The following AKNA variants were observed in gnomAD, a reference collection of about 807,000 sequenced individuals.
The protein encoded by AKNA is AT-hook transcription factor.
In AKNA, 67 loss-of-function variants were observed where a neutral mutation model predicts 138.8. The ratio of observed to expected loss-of-function variants is 0.48; its 90% CI spans 0.40 to 0.59. The LOEUF is 0.59. AKNA is among the 20% of genes least tolerant of loss of function. The pLI is 0.00. For missense variants in AKNA, 1,813 were observed against 1,880.4 expected, an observed-to-expected ratio of 0.96 and a Z score of 0.66; for synonymous variants, 737 against 754.4, an observed-to-expected ratio of 0.98 and a Z score of 0.38.
At chr9:114,343,629 T>C in intron 19 of AKNA, 79 bp downstream of exon 19, 1 of 1,450,856 alleles carries the variant, frequency 6.9e-7, no homozygotes, top group Admixed American at 1.7e-5. Flanking sequence ...GGCCAGATCT[T>C]GTCAAGTACA....
At position 114,378,330 on chromosome 9, in the gene AKNA, G is replaced by C. The variant is rs150301112; in HGVS notation, c.275-798C>G. ...GGAAGACTTAGCTCTCCCTGACTAG[G>C]TCAAGTTCTCCCTTTTACAGGCCCT... is the stretch of plus-strand genomic sequence containing the variant. On this transcript the variant is annotated intron_variant, in intron 2 of 21. Coordinates refer to ENST00000374088, the MANE Select transcript of AKNA (RefSeq NM_001317950.2). 1.3e-3 allele frequency among the ~76,000 whole-genome samples: 199 copies of C among 152,320 alleles called. 5 individuals are homozygous for C. In the East Asian group the frequency reaches 0.03, roughly 23 times the overall value.
rs748334610 is a variant in AKNA at position 114,357,929 on chromosome 9, G to A, written c.2731C>T (p.His911Tyr). The change falls in exon 12 of 22, where the codon CAC (histidine) becomes TAC (tyrosine). Residue 911 changes from histidine (H) to tyrosine (Y), a missense_variant. Physicochemically the swap from His to Tyr is moderately conservative, Grantham distance 83. Transcript: ENST00000374088. ...QKPLHRGGGPHLEETWMASPE... is the reference protein window; with the variant it reads ...QKPLHRGGGPYLEETWMASPE... ...CCCATGTGGAGACTTACCTCCAGGT[G>A]GGGCCCACCGCCTCGGTGCAAAGGC... The A allele has an allele frequency of 4.4e-6, 7 of 1,597,654 alleles. No homozygotes were observed. Among genetic ancestry groups the A allele is most frequent in the Non-Finnish European group, 6.0e-6 (7 of 1,175,274 alleles).
downstream of AKNA, chr9:114,333,298 C>T (rs1171842175): frequency 3.1e-6 from 4 of 1,289,108 alleles, no homozygotes; most frequent in Non-Finnish European, 4.3e-6. Context: ...GAAGCCTGCC[C>T]TGAGTTTAAC....
chr9:114,396,785 C>T (rs1471545217), upstream of AKNA: 1 of 152,134 alleles, frequency 6.6e-6, no homozygotes, highest in Non-Finnish European at 1.5e-5. Flanking sequence ...GGGATCTAAA[C>T]TCAGGTCTTC....
chr9:114,355,177 C>A (rs1388759665), intron 14 of AKNA, among the ~76,000 whole-genome samples: 1 of 102,122 alleles, frequency 9.8e-6, no homozygotes, highest in African/African-American at 3.9e-5. Context: ...CTGTACTGTA[C>A]TTTTTTTTTT....
chr9:114,354,017 T>A (rs1831312443), intron 14 of AKNA, among the ~76,000 whole-genome samples: 2 of 152,232 alleles, frequency 1.3e-5, no homozygotes, highest in Non-Finnish European at 2.9e-5. Context: ...ACAAAAGTTT[T>A]TTCTTCAATA....
chr9:114,368,306 C>G (rs1276117855), intron 5 of AKNA, 133 bp downstream of exon 5: 5 of 1,047,358 alleles, frequency 4.8e-6, no homozygotes, highest in Admixed American at 6.4e-5. Flanking sequence ...TCAAAGTGCC[C>G]AGGGTGGGGC....
chr9:114,350,987 C>G lies in AKNA; in HGVS notation c.3093G>C (p.Arg1031=). The G allele has an allele frequency of 6.2e-7, 1 of 1,613,686 alleles. No homozygotes were observed. Among genetic ancestry groups the G allele is most frequent in the Non-Finnish European group, 8.5e-7 (1 of 1,179,970 alleles). The part of the protein sequence containing the change: ...VPGSEFEGHK[R]ISEQPLPNKT... ...TGTTGGGAAGGGGCTGTTCAGAAAT[C>G]CGTTTGTGCCCCTCAAACTCTGAGC... The change falls in exon 15 of 22, where the codon CGG becomes CGC. Residue 1031 remains arginine, a synonymous_variant. Coordinates refer to ENST00000374088, the MANE Select transcript of AKNA (RefSeq NM_001317950.2).
At chr9:114,331,817 C>T, downstream of AKNA, 4 of 1,612,756 alleles carry the variant, frequency 2.5e-6, no homozygotes, top group Non-Finnish European at 3.4e-6. Flanking sequence ...CTCCTTGCTC[C>T]CCCTGCAGCT....
At chr9:114,346,833 C>T (rs779349423) in intron 16 of AKNA, 49 bp from the exon 17 acceptor site, 5 of 1,501,134 alleles carry the variant, frequency 3.3e-6, no homozygotes, top group Non-Finnish European at 4.6e-6. Flanking sequence ...TTTTGTGTGG[C>T]CTTTAAAGGT....
rs755160109 is a variant in AKNA at position 114,361,655 on chromosome 9, G to T, written c.2124+49C>A. 4 of 1,593,516 alleles carry T rather than the reference G, an allele frequency of 2.5e-6. No homozygotes were observed. The South Asian group carries it at 4.4e-5, about 18-fold the overall frequency. On this transcript the variant is annotated intron_variant, in intron 9 of 21. Transcript: ENST00000374088. ...CGTATTGAAGAAATGAATTAACGAAGAAATGAATGCACGAGGGAACAGCCC... is the reference window on the plus strand; with the variant it reads ...CGTATTGAAGAAATGAATTAACGAATAAATGAATGCACGAGGGAACAGCCC...
In AKNA at chr9:114,368,372, G is replaced by C. The variant is rs187556223; in HGVS notation, c.1573+67C>G. On this transcript the variant is annotated intron_variant, in intron 5 of 21. Transcript: ENST00000374088. ...CAGCGCCATCCCCAGGGTGAACCAA[G>C]TCAGTCCCACAGAGCAGAATCCCAG... is the stretch of plus-strand genomic sequence containing the variant. The C allele has an allele frequency of 7.4e-4, 963 of 1,302,248 alleles. 9 individuals are homozygous for C. In the African/African-American group the frequency reaches 0.013, roughly 18 times the overall value. 80.7% of individuals were successfully genotyped at this position (1,302,248 alleles called of 1,614,324 possible).
At position 114,381,178 on chromosome 9, in the gene AKNA, G is replaced by A. The variant is rs754120884; in HGVS notation, c.156C>T (p.Ser52=). 6.2e-7 allele frequency: 1 copy of A among 1,613,592 alleles called. No individual in the cohort carries two copies. ...GGCGGAAGTCCTCTAGGAGCTCGGG[G>A]CTGGTGGCATTGGGAAAGAGTCTCT... The part of the protein sequence containing the change: ...EEERLFPNAT[S]PELLEDFRLA... The change falls in exon 2 of 22, where the codon AGC becomes AGT. Residue 52 remains serine (S), a synonymous_variant. Transcript: ENST00000374088.
In AKNA at chr9:114,374,095, T is replaced by C; in HGVS notation, c.1414A>G (p.Lys472Glu). ...TCCACCCCATCCCGGCCTGGTACCT[T>C]GGCCCCGAGGCGTAGCTGGTCAATG... The part of the protein sequence containing the change: ...NTIDQLRLGA[K>E]VNLFSDPPQP... The change falls in exon 4 of 22, where the codon AAG becomes GAG. Residue 472 changes from lysine to glutamate, a missense_variant and splice_region_variant. Coordinates refer to ENST00000374088, the MANE Select transcript of AKNA (RefSeq NM_001317950.2). 2 of 1,555,274 alleles carry C rather than the reference T, an allele frequency of 1.3e-6. No homozygotes were observed. Among genetic ancestry groups the C allele is most frequent in the Non-Finnish European group, 1.7e-6 (2 of 1,148,890 alleles).
chr9:114,348,014 CTA>C, intron 15 of AKNA, 114 bp from the exon 16 acceptor site: 1 of 1,151,656 alleles, frequency 8.7e-7, no homozygotes. Flanking sequence ...GGCACAGGGT[CTA>C]TCTCTGCTGT....
At position 114,377,418 on chromosome 9, in the gene AKNA, C is replaced by T. The variant is rs1833323143; in HGVS notation, c.389G>A (p.Gly130Glu). The change falls in exon 3 of 22, where the codon GGA becomes GAA. Residue 130 changes from glycine (G) to glutamate (E), a missense_variant. Gly to Glu is a moderately conservative substitution (Grantham distance 98). Transcript: ENST00000374088. ...TCCAGCCTCCTCAACCTCCAGACTT[C>T]CGAGGGTCCCATCTGGCTCCTCTTC... ...MTEEEPDGTL[G>E]SLEVEEAGES... 6.2e-7 allele frequency: 1 copy of T among 1,613,698 alleles called. No homozygotes were observed. Among genetic ancestry groups the T allele is most frequent in the South Asian group, 1.1e-5 (1 of 91,076 alleles).
Position 114,377,077 on chromosome 9 carries a change from G to A in AKNA, c.730C>T (p.Leu244=). The A allele has an allele frequency of 6.2e-7, 1 of 1,614,160 alleles. No homozygotes were observed. The highest frequency in any genetic ancestry group is 1.6e-4 in the Middle Eastern group (1 of 6,062). ...CCTCCAGTTCTGCCATCTGGGCTTA[G>A]GAGGTGGTGGCTGGGGCCCTCTGGC... is the stretch of plus-strand genomic sequence containing the variant. ...TLPEGPSHHL[L]SPDGRTGGSV... is the part of the protein sequence containing the mutation. Residue 244 remains leucine (L), a synonymous_variant, in exon 3 of 22, where the codon CTA becomes TTA. Transcript: ENST00000374088.
At chr9:114,364,218 G>GT (rs1459084706) in intron 7 of AKNA, among the ~76,000 whole-genome samples, 4 of 152,030 alleles carry the variant, frequency 2.6e-5, no homozygotes, top group African/African-American at 4.8e-5. Context: ...CCTACTAGCT[G>GT]TGGGGCCTTT....
At chr9:114,332,588 C>A (rs1829874702), downstream of AKNA, among the ~76,000 whole-genome samples, 1 of 152,010 alleles carries the variant, frequency 6.6e-6, no homozygotes, top group Admixed American at 6.6e-5. Context: ...AGATGACCAC[C>A]AGGGATGTGA....
Sources: allele counts gnomAD v4.1 joint callset (sites outside exome capture counted in the v4.1 genomes callset), GRCh38; gene constraint gnomAD v4.1.1; transcripts MANE v1.5; gene names NCBI Gene and HGNC (gene_info 2026-07-23, HGNC 2026-07-21).